KCNQ3: variants seen among roughly 807,000 people sequenced by gnomAD.
KCNQ3 encodes the protein potassium voltage-gated channel subfamily Q member 3, also known as potassium voltage-gated channel subfamily KQT member 3.
In KCNQ3, 30 loss-of-function variants were observed where a neutral mutation model predicts 92.5. The ratio of observed to expected loss-of-function variants is 0.32; its 90% CI spans 0.24 to 0.44. KCNQ3 has a LOEUF of 0.44. Among genes scored for constraint, KCNQ3 ranks in the 20% least tolerant of loss-of-function variants. The probability of loss-of-function intolerance (pLI) is 1.00; values close to 1 mark genes in which losing one functional copy is unlikely to be tolerated. For synonymous variants in KCNQ3, 450 were observed against 468.8 expected, an observed-to-expected ratio of 0.96 and a Z score of 0.52; for missense variants, 913 against 1,140.3, an observed-to-expected ratio of 0.80 and a Z score of 2.87.
intron 1 of KCNQ3, among the ~76,000 whole-genome samples, chr8:132,380,995 C>A (rs1272184102): frequency 6.7e-6 from 1 of 149,952 alleles, no homozygotes; most frequent in Non-Finnish European, 1.5e-5. Flanking sequence ...TGAATAGAGG[C>A]TCCAGGAACA....
intron 1 of KCNQ3, among the ~76,000 whole-genome samples, chr8:132,329,990 C>A (rs952449147): frequency 2.0e-5 from 3 of 152,176 alleles, no homozygotes; most frequent in African/African-American, 7.2e-5. Context: ...TGAACGAGAT[C>A]TTATTTGGAA....
intron 1 of KCNQ3, among the ~76,000 whole-genome samples, chr8:132,381,053 A>G (rs1819738302): frequency 6.6e-6 from 1 of 152,208 alleles, no homozygotes; most frequent in African/African-American, 2.4e-5. Context: ...AGCGCTGCCA[A>G]GAAACCTATT....
intron 8 of KCNQ3, among the ~76,000 whole-genome samples, chr8:132,166,312 C>A (rs940148776): frequency 6.6e-6 from 1 of 152,166 alleles, no homozygotes; most frequent in Non-Finnish European, 1.5e-5. Context: ...TTCCACTCTC[C>A]CTACCAGGAA....
chr8:132,334,921 T>C (rs539636657), intron 1 of KCNQ3, among the ~76,000 whole-genome samples: 1 of 152,220 alleles, frequency 6.6e-6, no homozygotes, highest in East Asian at 1.9e-4. Flanking sequence ...CCATTTATTT[T>C]ATTCCCCCTC....
At chr8:132,405,457 G>T (rs1820450380) in intron 1 of KCNQ3, among the ~76,000 whole-genome samples, 1 of 152,182 alleles carries the variant, frequency 6.6e-6, no homozygotes, top group South Asian at 2.1e-4. Flanking sequence ...TTGGTTTCAG[G>T]GTGAGAGAAG....
At chr8:132,311,353 A>G (rs1002894715) in intron 1 of KCNQ3, among the ~76,000 whole-genome samples, 2 of 130,436 alleles carry the variant, frequency 1.5e-5, no homozygotes, top group Non-Finnish European at 3.2e-5. Context: ...CCACCAAATC[A>G]TTTAGAAACT....
In KCNQ3 at chr8:132,460,438, A is replaced by T. The variant is rs182114933; in HGVS notation, c.386+19709T>A. ...TCCATTTACTTTTCTGTAAACTCTCACTTCAGTGGTGAGAAACCTAGCTCC... is the reference window on the plus strand; with the variant it reads ...TCCATTTACTTTTCTGTAAACTCTCTCTTCAGTGGTGAGAAACCTAGCTCC... On this transcript the variant is annotated intron_variant, in intron 1 of 14. Transcript: ENST00000388996. Among the ~76,000 whole-genome samples the T allele has an allele frequency of 2.8e-3, 422 of 152,280 alleles. 1 individual carries two copies. The highest frequency in any genetic ancestry group is 9.8e-3 in the African/African-American group (408 of 41,552).
At chr8:132,417,678 C>T (rs373024563) in intron 1 of KCNQ3, among the ~76,000 whole-genome samples, 70 of 151,984 alleles carry the variant, frequency 4.6e-4, no homozygotes, top group African/African-American at 1.6e-3. Context: ...ATCCATCCAT[C>T]CATTCATTCA....
chr8:132,317,700 C>A (rs1817782081), intron 1 of KCNQ3, among the ~76,000 whole-genome samples: 1 of 152,180 alleles, frequency 6.6e-6, no homozygotes, highest in Admixed American at 6.5e-5. Context: ...CACCTCTCCT[C>A]TTGTAGGTCA....
intron 1 of KCNQ3, among the ~76,000 whole-genome samples, chr8:132,310,841 T>C (rs1269039232): frequency 6.6e-6 from 1 of 152,102 alleles, no homozygotes; most frequent in Non-Finnish European, 1.5e-5. Flanking sequence ...TTCTGCGTGG[T>C]TTATTAAAGT....
intron 1 of KCNQ3, among the ~76,000 whole-genome samples, chr8:132,204,898 A>C (rs1163640122): frequency 6.6e-6 from 1 of 152,200 alleles, no homozygotes; most frequent in African/African-American, 2.4e-5. Context: ...CTTGAAATGC[A>C]GATCACCCCC....
rs886062697 is a variant in KCNQ3, at chr8:132,480,671, C to CCG, written c.-140_-139insCG. 2.4e-5 allele frequency: 17 copies of CCG among 718,196 alleles called. No homozygotes were observed. In the South Asian group the frequency reaches 3.9e-4, roughly 16 times the overall value. 44.5% of individuals were successfully genotyped at this position (718,196 alleles called of 1,614,324 possible). A position where few individuals can be genotyped will look rare whatever the true frequency, so the allele number is the denominator to read the frequency against. On this transcript the variant is annotated 5_prime_UTR_variant, in exon 1 of 15. Transcript: ENST00000388996. ...GCCATGATCCGCGCGCCCCTCCCCA[C>CCG]CCCCCCCCAAAAGCAGGCAAAGGCG...
intron 9 of KCNQ3, among the ~76,000 whole-genome samples, chr8:132,148,558 G>A (rs1302409565): frequency 6.6e-6 from 1 of 152,232 alleles, no homozygotes. Context: ...ACTGAGCCAA[G>A]GGATCCTCAG....
intron 1 of KCNQ3, among the ~76,000 whole-genome samples, chr8:132,322,603 A>G (rs893313663): frequency 6.6e-6 from 1 of 152,174 alleles, no homozygotes; most frequent in Non-Finnish European, 1.5e-5. Flanking sequence ...AGTGACCCCA[A>G]CAGGTACTTG....
chr8:132,267,552 C>T (rs1816026701), intron 1 of KCNQ3, among the ~76,000 whole-genome samples: 1 of 152,150 alleles, frequency 6.6e-6, no homozygotes, highest in Non-Finnish European at 1.5e-5. Context: ...AGTGCAAAGT[C>T]TAAACTACTC....
chr8:132,142,688 G>C (rs547578975), intron 9 of KCNQ3, among the ~76,000 whole-genome samples: 1 of 152,204 alleles, frequency 6.6e-6, no homozygotes, highest in Non-Finnish European at 1.5e-5. Context: ...AAATAAATGA[G>C]AGAGTGAATG....
chr8:132,328,565 T>C (rs534772019), intron 1 of KCNQ3, among the ~76,000 whole-genome samples: 2 of 152,264 alleles, frequency 1.3e-5, no homozygotes, highest in African/African-American at 4.8e-5. Context: ...CCCAATTTCC[T>C]TATCTGTAGA....
chr8:132,475,207 T>C (rs1162956951), intron 1 of KCNQ3, among the ~76,000 whole-genome samples: 2 of 152,202 alleles, frequency 1.3e-5, no homozygotes, highest in African/African-American at 4.8e-5. Flanking sequence ...TATTTCTTTA[T>C]AGCAGTGTGA....
chr8:132,470,877 C>T (rs1207248205), intron 1 of KCNQ3, among the ~76,000 whole-genome samples: 1 of 152,118 alleles, frequency 6.6e-6, no homozygotes, highest in Non-Finnish European at 1.5e-5. Flanking sequence ...CAGCAGGATG[C>T]CCCACAATTT....
Sources: allele counts gnomAD v4.1 joint callset (sites outside exome capture counted in the v4.1 genomes callset), GRCh38; gene constraint gnomAD v4.1.1; transcripts MANE v1.5; gene names NCBI Gene and HGNC (gene_info 2026-07-23, HGNC 2026-07-21).